ZNF492: variants seen among roughly 807,000 people sequenced by gnomAD.
ZNF492 encodes zinc finger protein 115 (Y20).
Under a neutral mutation model 6.4 loss-of-function variants are expected in ZNF492, and 3 were observed. The observed-to-expected ratio is 0.47, with a 90% CI of 0.21 to 1.22. The LOEUF is 1.22. Among genes scored for constraint, ZNF492 ranks in the 50% most tolerant of loss-of-function variants. ZNF492 has a pLI of 0.22. For synonymous variants in ZNF492, 112 were observed against 205.3 expected, an observed-to-expected ratio of 0.55 and a Z score of 3.89; for missense variants, 356 against 612.5, an observed-to-expected ratio of 0.58 and a Z score of 4.42.
intron 1 of ZNF492, among the ~76,000 whole-genome samples, chr19:22,642,675 G>A (rs927874563): frequency 2.0e-5 from 3 of 151,968 alleles, no homozygotes; most frequent in African/African-American, 7.3e-5. Flanking sequence ...AGGCGTAAGC[G>A]ACCGCGCACG....
intron 1 of ZNF492, among the ~76,000 whole-genome samples, chr19:22,640,940 TG>T (rs1455763424): frequency 6.6e-6 from 1 of 152,178 alleles, no homozygotes; most frequent in Non-Finnish European, 1.5e-5. Flanking sequence ...TATATTTTTG[TG>T]GGGTCAGTGG....
intron 1 of ZNF492, among the ~76,000 whole-genome samples, chr19:22,643,176 A>C (rs1289791429): frequency 1.3e-5 from 2 of 152,210 alleles, no homozygotes; most frequent in Non-Finnish European, 2.9e-5. Flanking sequence ...TGGGAGGCTG[A>C]GGCAGGAGAA....
chr19:22,640,346 G>C (rs12610484), intron 1 of ZNF492, among the ~76,000 whole-genome samples: 1 of 152,116 alleles, frequency 6.6e-6, no homozygotes, highest in African/African-American at 2.4e-5. Flanking sequence ...ATTTTTAGTA[G>C]AGACAGGGTT....
At chr19:22,644,805 C>T (rs1230189136) in intron 1 of ZNF492, among the ~76,000 whole-genome samples, 2 of 152,224 alleles carry the variant, frequency 1.3e-5, no homozygotes, top group Non-Finnish European at 2.9e-5. Flanking sequence ...AATCACCACA[C>T]TGTCTTCGAC....
chr19:22,645,934 T>C (rs1318710756), intron 1 of ZNF492, among the ~76,000 whole-genome samples: 1 of 152,234 alleles, frequency 6.6e-6, no homozygotes, highest in Non-Finnish European at 1.5e-5. Context: ...TCTTGTAGTA[T>C]AGCTTGAAGT....
At chr19:22,638,241 T>C (rs1216744453) in intron 1 of ZNF492, among the ~76,000 whole-genome samples, 11 of 152,200 alleles carry the variant, frequency 7.2e-5, no homozygotes, top group Admixed American at 7.2e-4. Context: ...CAATTACTGC[T>C]TTTGTTGCAA....
In ZNF492 at chr19:22,650,525, T is replaced by C. The variant is rs1971929056; in HGVS notation, c.-93-2782T>C. 2.6e-5 allele frequency among the ~76,000 whole-genome samples: 4 copies of C among 152,042 alleles called. No homozygotes were observed. The South Asian group carries it at 8.3e-4, about 32-fold the overall frequency. On this transcript the variant is annotated intron_variant, in intron 1 of 3. Transcript: ENST00000456783. ...CCTCAGAACTGGCGGGGGGAAAAGC[T>C]AAGTCCACTGGTCCACAGAAACTGC...
intron 3 of ZNF492, among the ~76,000 whole-genome samples, chr19:22,654,303 T>C (rs1448403554): frequency 6.6e-6 from 1 of 152,130 alleles, no homozygotes; most frequent in African/African-American, 2.4e-5. Flanking sequence ...TCTGACTTTT[T>C]CACTGTTTTT....
intron 3 of ZNF492, among the ~76,000 whole-genome samples, chr19:22,662,293 G>A (rs118072729): frequency 0.03 from 4,617 of 152,248 alleles, 93 homozygotes; most frequent in Non-Finnish European, 0.049. Context: ...ATAGTATTCT[G>A]TAGTGTATAC....
At chr19:22,645,876 C>T (rs113990190) in intron 1 of ZNF492, among the ~76,000 whole-genome samples, 16,969 of 152,064 alleles carry the variant, frequency 0.11, 997 homozygotes, top group Middle Eastern at 0.16. Context: ...TTCCATTGGT[C>T]TATATGTCTG....
intron 3 of ZNF492, among the ~76,000 whole-genome samples, chr19:22,663,589 A>C (rs1020398966): frequency 6.6e-6 from 1 of 152,198 alleles, no homozygotes; most frequent in Admixed American, 6.5e-5. Flanking sequence ...CATTGGGCTC[A>C]CCTGGGGCAC....
chr19:22,667,254 A>G lies in ZNF492; in HGVS notation c.*1989A>G, dbSNP rs1434223231. 6.6e-6 allele frequency: 1 copy of G among 152,136 alleles called. No homozygotes were observed. Among genetic ancestry groups the G allele is most frequent in the Non-Finnish European group, 1.5e-5 (1 of 68,004 alleles). 9.4% of individuals were successfully genotyped at this position (152,136 alleles called of 1,614,324 possible). A position where few individuals can be genotyped will look rare whatever the true frequency, so the allele number is the denominator to read the frequency against. The stretch of plus-strand genomic sequence containing the variant: ...AAAAATAAATAAGTAAATAAAATAA[A>G]TGGTGGTAACAATACACTATTTGGT... On this transcript the variant is annotated 3_prime_UTR_variant, in exon 4 of 4. Coordinates refer to ENST00000456783, the MANE Select transcript of ZNF492 (RefSeq NM_020855.3).
At position 22,655,675 on chromosome 19, in the gene ZNF492, ATTTT is replaced by A. The variant is rs201831166; in HGVS notation, c.130+1676_130+1679del. Reference sequence around the variant, plus strand: ...ATTTGTCTTCAATTTCAGTGACTTAATTTTTTTTTTTTTTTTTTTACTTATTCCA... The same window carrying A: ...ATTTGTCTTCAATTTCAGTGACTTAATTTTTTTTTTTTTTTACTTATTCCA... On this transcript the variant is annotated intron_variant, in intron 3 of 3. Transcript: ENST00000456783. Among the ~76,000 whole-genome samples, 61 of 109,430 alleles carry A rather than the reference ATTTT, an allele frequency of 5.6e-4. 1 individual carries two copies. The highest frequency in any genetic ancestry group is 2.5e-3 in the African/African-American group (61 of 24,606). The allele number at this position is 109,430 out of a possible 152,430, so 71.8% of individuals were successfully genotyped here. A position where few individuals can be genotyped will look rare whatever the true frequency, so the allele number is the denominator to read the frequency against.
rs528208182 is a variant in ZNF492 at position 22,662,396 on chromosome 19, G to C, written c.131-1404G>C. ...GTGAATAGTGCCGCAATAAATATAC[G>C]TGTGCATGTGTCCTTATAGTAGCAT... On this transcript the variant is annotated intron_variant, in intron 3 of 3. Transcript: ENST00000456783. 3.9e-5 allele frequency among the ~76,000 whole-genome samples: 6 copies of C among 152,268 alleles called. No homozygotes were observed. In the South Asian group the frequency reaches 1.2e-3, roughly 32 times the overall value.
At position 22,665,003 on chromosome 19, in the gene ZNF492, G is replaced by A; in HGVS notation, c.1334G>A (p.Gly445Glu). 6.3e-7 allele frequency: 1 copy of A among 1,584,090 alleles called. No homozygotes were observed. The highest frequency in any genetic ancestry group is 8.6e-7 in the Non-Finnish European group (1 of 1,164,360). The change falls in exon 4 of 4, where the codon GGA becomes GAA. Residue 445 changes from glycine (G) to glutamate (E), a missense_variant. This residue lies in a region of ZNF492 where 81 missense variants were observed against 115.4 expected (regional missense o/e 0.70). Transcript: ENST00000456783. ...TLSKHKVIHT[G>E]EKPYKYEECG... ...TCTAAACATAAGGTAATTCATACTG[G>A]AGAGAAGCCCTACAAATATGAAGAA...
rs571666791 is a variant in ZNF492 at position 22,666,120 on chromosome 19, C to T, written c.*855C>T. ...ATGTTGTAATTAACTCAAATTACTTCGTGTTAATGTTGTAATTAACTCTCA... is the reference window on the plus strand; with the variant it reads ...ATGTTGTAATTAACTCAAATTACTTTGTGTTAATGTTGTAATTAACTCTCA... On this transcript the variant is annotated 3_prime_UTR_variant, in exon 4 of 4. Coordinates refer to ENST00000456783, the MANE Select transcript of ZNF492 (RefSeq NM_020855.3). The T allele has an allele frequency of 3.3e-5, 5 of 150,644 alleles. No individual in the cohort carries two copies. Among genetic ancestry groups the T allele is most frequent in the East Asian group, 3.9e-4 (2 of 5,092 alleles). 9.3% of individuals were successfully genotyped at this position (150,644 alleles called of 1,614,324 possible). A position where few individuals can be genotyped will look rare whatever the true frequency, so the allele number is the denominator to read the frequency against.
At chr19:22,655,031 G>T (rs1395741868) in intron 3 of ZNF492, among the ~76,000 whole-genome samples, 1 of 151,530 alleles carries the variant, frequency 6.6e-6, no homozygotes, top group Non-Finnish European at 1.5e-5. Context: ...GGTGGCTCAC[G>T]CCTGTAATCC....
chr19:22,648,399 G>A (rs1352632707), intron 1 of ZNF492, among the ~76,000 whole-genome samples: 3 of 152,174 alleles, frequency 2.0e-5, no homozygotes, highest in Admixed American at 6.5e-5. Context: ...GTGCCATGTG[G>A]CACTGAGAAG....
chr19:22,660,146 G>GTT (rs1035596934), intron 3 of ZNF492, among the ~76,000 whole-genome samples: 1 of 151,376 alleles, frequency 6.6e-6, no homozygotes, highest in Non-Finnish European at 1.5e-5. Context: ...CCCTTTTAGT[G>GTT]TTTTTTATCA....
Sources: allele counts gnomAD v4.1 joint callset (sites outside exome capture counted in the v4.1 genomes callset), GRCh38; gene constraint gnomAD v4.1.1; regional missense constraint gnomAD v4.1.1; transcripts MANE v1.5; gene names NCBI Gene and HGNC (gene_info 2026-07-23, HGNC 2026-07-21).